Variants in MARK1 observed in about 807,000 individuals in gnomAD.
The protein encoded by MARK1 is serine/threonine-protein kinase MARK1.
Under a neutral mutation model 96.3 loss-of-function variants are expected in MARK1, and 40 were observed. The observed-to-expected ratio is 0.42, with a 90% CI of 0.32 to 0.54. The LOEUF is 0.54. MARK1 is among the 20% of genes least tolerant of loss of function. The pLI is 0.16. For missense variants in MARK1, 719 were observed against 984.6 expected, an observed-to-expected ratio of 0.73 and a Z score of 3.61; for synonymous variants, 317 against 341.2, an observed-to-expected ratio of 0.93 and a Z score of 0.78.
chr1:220,546,365 G>A (rs1276579048), intron 1 of MARK1, among the ~76,000 whole-genome samples: 1 of 152,072 alleles, frequency 6.6e-6, no homozygotes, highest in Non-Finnish European at 1.5e-5. Flanking sequence ...AGATGTCCAT[G>A]GTAACCATAA....
At chr1:220,574,996 G>A (rs955647839) in intron 1 of MARK1, among the ~76,000 whole-genome samples, 3 of 152,162 alleles carry the variant, frequency 2.0e-5, no homozygotes, top group African/African-American at 7.2e-5. Flanking sequence ...TTTAGTGACT[G>A]TCATAAAACA....
In MARK1 at chr1:220,662,987, A is replaced by C. The variant is rs1253693517; in HGVS notation, c.*821A>C. ...ATACTTTATCTGGCTATTATAACAT[A>C]AACTGTCACGTAGGTTTGCTGCCTT... On this transcript the variant is annotated 3_prime_UTR_variant, in exon 18 of 18. Transcript: ENST00000366917. 6.6e-6 allele frequency: 1 copy of C among 152,658 alleles called. No homozygotes were observed. Among genetic ancestry groups the C allele is most frequent in the African/African-American group, 2.4e-5 (1 of 41,464 alleles). 9.5% of individuals were successfully genotyped at this position (152,658 alleles called of 1,614,324 possible).
intron 1 of MARK1, among the ~76,000 whole-genome samples, chr1:220,532,809 C>T (rs1055392629): frequency 1.3e-5 from 2 of 151,960 alleles, no homozygotes; most frequent in Non-Finnish European, 2.9e-5. Flanking sequence ...AATTCGAGAC[C>T]AGCATGGGCA....
rs187432210 is a variant in MARK1, at chr1:220,549,624, G to A, written c.51+20751G>A. 1.4e-4 allele frequency among the ~76,000 whole-genome samples: 22 copies of A among 152,268 alleles called. No individual in the cohort carries two copies. In the East Asian group the frequency reaches 3.9e-3, roughly 27 times the overall value. On this transcript the variant is annotated intron_variant, in intron 1 of 17. Coordinates refer to ENST00000366917, the MANE Select transcript of MARK1 (RefSeq NM_018650.5). ...CTGTGAAGCTGAATTATCTGCAGGCGGCTTGGTAAGCAGGGAATTAGAGCA... is the reference window on the plus strand; with the variant it reads ...CTGTGAAGCTGAATTATCTGCAGGCAGCTTGGTAAGCAGGGAATTAGAGCA...
rs1666878275 is a variant in MARK1, at chr1:220,618,537, G to A, written c.780G>A (p.Gln260=). The change falls in exon 8 of 18, where the codon CAG becomes CAA. Residue 260 remains glutamine, a synonymous_variant. Coordinates refer to ENST00000366917, the MANE Select transcript of MARK1 (RefSeq NM_018650.5). This position sits in a 1 kb window ranked among gnomAD's most constrained non-coding sequence, Gnocchi z 4.6. ...GTGGCTCCTTGCCTTTCGATGGCCA[G>A]AATTTAAAGGTATCAGCTAAATTCT... ...LVSGSLPFDG[Q]NLKELRERVL... The A allele has an allele frequency of 2.5e-6, 4 of 1,614,028 alleles. No homozygotes were observed. The highest frequency in any genetic ancestry group is 1.6e-4 in the Middle Eastern group (1 of 6,062).
At chr1:220,573,891 A>G (rs1438934478) in intron 1 of MARK1, among the ~76,000 whole-genome samples, 2 of 151,900 alleles carry the variant, frequency 1.3e-5, no homozygotes, top group African/African-American at 4.8e-5. Context: ...TATATTGTAG[A>G]ATTGCCATTT....
Position 220,618,829 on chromosome 1 carries a change from C to T in MARK1, c.909+74C>T. 1 of 1,324,074 alleles carries T rather than the reference C, an allele frequency of 7.6e-7. No individual in the cohort carries two copies. The highest frequency in any genetic ancestry group is 2.6e-5 in the East Asian group (1 of 38,918). The allele number at this position is 1,324,074 out of a possible 1,614,324, so 82.0% of individuals were successfully genotyped here. ...TCCAGGAACCGAAGAGCATTTTTCT[C>T]CTATGTTTTCTTAGGAAAATTGCCA... On this transcript the variant is annotated intron_variant, in intron 9 of 17. Coordinates refer to ENST00000366917, the MANE Select transcript of MARK1 (RefSeq NM_018650.5). The surrounding 1 kb of genome is among the most constrained non-coding windows in gnomAD (Gnocchi z 4.6).
chr1:220,571,613 C>G (rs1558266695), intron 1 of MARK1: 1 of 152,198 alleles, frequency 6.6e-6, no homozygotes, highest in Non-Finnish European at 1.5e-5. Context: ...TTTCTGACAA[C>G]TAAACTCAGG....
chr1:220,564,564 G>C (rs1350696421), intron 1 of MARK1, among the ~76,000 whole-genome samples: 1 of 152,090 alleles, frequency 6.6e-6, no homozygotes, highest in Non-Finnish European at 1.5e-5. Context: ...AGGTAGATAA[G>C]AGATCTACTG....
chr1:220,574,004 C>T (rs899715781), intron 1 of MARK1, among the ~76,000 whole-genome samples: 1 of 152,106 alleles, frequency 6.6e-6, no homozygotes, highest in Non-Finnish European at 1.5e-5. Flanking sequence ...ATAATATCTG[C>T]TTTAAAGTTC....
Position 220,562,799 on chromosome 1 carries a change from C to T in MARK1, c.52-16555C>T, listed in dbSNP as rs115545125. Among the ~76,000 whole-genome samples, 1,357 of 152,184 alleles carry T rather than the reference C, an allele frequency of 8.9e-3. 18 individuals are homozygous for T. The highest frequency in any genetic ancestry group is 0.029 in the African/African-American group (1,202 of 41,528). ...AGCATCTTTAGATTACTTATAATAC[C>T]GAATACAGTGCCTTCACACCAGTTC... On this transcript the variant is annotated intron_variant, in intron 1 of 17. Transcript: ENST00000366917.
intron 9 of MARK1, chr1:220,627,079 T>C: frequency 1.9e-6 from 1 of 531,230 alleles, no homozygotes; most frequent in South Asian, 1.5e-5. Flanking sequence ...CGAATGGTAC[T>C]TGGAGAAGAT....
chr1:220,580,564 T>C (rs575230633), intron 2 of MARK1, among the ~76,000 whole-genome samples: 1 of 152,348 alleles, frequency 6.6e-6, no homozygotes, highest in African/African-American at 2.4e-5. Flanking sequence ...CCATTGAATT[T>C]GGTTCCTTCT....
intron 9 of MARK1, among the ~76,000 whole-genome samples, chr1:220,622,378 T>A (rs1667092326): frequency 6.6e-6 from 1 of 152,224 alleles, no homozygotes; most frequent in South Asian, 2.1e-4. Flanking sequence ...ATAAAAGTGT[T>A]TATTTTGACT....
At chr1:220,617,333 T>G (rs1241792795) in intron 7 of MARK1, among the ~76,000 whole-genome samples, 1 of 152,086 alleles carries the variant, frequency 6.6e-6, no homozygotes, top group African/African-American at 2.4e-5. Flanking sequence ...AAAGAAAGGT[T>G]GTGGTGGGTA....
At chr1:220,604,295 T>C (rs1248915023) in intron 6 of MARK1, among the ~76,000 whole-genome samples, 158 bp downstream of exon 6, 2 of 152,052 alleles carry the variant, frequency 1.3e-5, no homozygotes. Flanking sequence ...AAATAAACCT[T>C]TCTGAATTTA....
intron 11 of MARK1, among the ~76,000 whole-genome samples, chr1:220,633,509 A>G (rs936963118): frequency 6.6e-6 from 1 of 152,204 alleles, no homozygotes; most frequent in Non-Finnish European, 1.5e-5. Context: ...CTGTGAATAG[A>G]AGGACGAGAA....
intron 1 of MARK1, among the ~76,000 whole-genome samples, chr1:220,549,951 G>A (rs1043418015): frequency 3.9e-5 from 6 of 152,218 alleles, no homozygotes; most frequent in Non-Finnish European, 1.5e-5. Flanking sequence ...AAACCAAAAT[G>A]ATGAGAAAGT....
In MARK1 at chr1:220,664,154, G is replaced by A. The variant is rs1035965155; in HGVS notation, c.*1988G>A. On this transcript the variant is annotated 3_prime_UTR_variant, in exon 18 of 18. Transcript: ENST00000366917. ...AAAAATAGACTCATGTGTTTTCCAC[G>A]GTAGAAACTGATATTTTTTTACATT... 7 of 152,038 alleles carry A rather than the reference G, an allele frequency of 4.6e-5. No individual in the cohort carries two copies. The highest frequency in any genetic ancestry group is 4.1e-4 in the South Asian group (2 of 4,826). The allele number at this position is 152,038 out of a possible 1,614,324, so 9.4% of individuals were successfully genotyped here.
Sources: gnomAD v4.1 joint callset for allele counts (sites outside exome capture counted in the v4.1 genomes callset) on GRCh38, gnomAD v4.1.1 for gene constraint, Gnocchi (gnomAD v3.1) non-coding constraint, MANE v1.5 for transcripts, NCBI Gene and HGNC (gene_info 2026-07-23, HGNC 2026-07-21) for gene names.